PHACTR3: variants seen among roughly 807,000 people sequenced by gnomAD.
PHACTR3 encodes the protein phosphatase and actin regulator 3.
In PHACTR3, 16 loss-of-function variants were observed where a neutral mutation model predicts 66.8. That is an observed-to-expected ratio of 0.24 (90% CI 0.16 to 0.36). The LOEUF is 0.36. Among genes scored for constraint, PHACTR3 ranks in the 10% least tolerant of loss-of-function variants. PHACTR3 has a pLI of 1.00. For missense variants in PHACTR3, 647 were observed against 719.9 expected (o/e 0.90, Z 1.16); for synonymous variants, 323 against 292.1 (o/e 1.11, Z -1.08).
chr20:59,719,891 G>T (rs929814897), intron 1 of PHACTR3, among the ~76,000 whole-genome samples: 1 of 152,222 alleles, frequency 6.6e-6, no homozygotes, highest in African/African-American at 2.4e-5. Flanking sequence ...AATGGAGCCT[G>T]TCCGAGGGCT....
chr20:59,583,900 G>C (rs1325656383), intron 1 of PHACTR3, among the ~76,000 whole-genome samples: 2 of 152,212 alleles, frequency 1.3e-5, no homozygotes, highest in Admixed American at 6.5e-5. Context: ...AGCTACTTAG[G>C]TGCACCAGTC....
intron 8 of PHACTR3, among the ~76,000 whole-genome samples, chr20:59,821,775 G>T (rs765899907): frequency 2.0e-5 from 3 of 152,146 alleles, no homozygotes; most frequent in Admixed American, 6.5e-5. Context: ...GGTTTGAGGA[G>T]TGCATGTGGA....
At chr20:59,586,833 G>A (rs2146306355) in intron 1 of PHACTR3, among the ~76,000 whole-genome samples, 1 of 152,268 alleles carries the variant, frequency 6.6e-6, no homozygotes, top group East Asian at 1.9e-4. Flanking sequence ...GACAGGTGAG[G>A]AAAACCGAGG....
chr20:59,730,884 C>T (rs1487915448), intron 1 of PHACTR3, among the ~76,000 whole-genome samples: 1 of 152,122 alleles, frequency 6.6e-6, no homozygotes, highest in Non-Finnish European at 1.5e-5. Context: ...CGCAAAGCCT[C>T]AGAGTTTTAT....
chr20:59,800,590 T>A (rs2041382752), intron 7 of PHACTR3, among the ~76,000 whole-genome samples: 2 of 152,250 alleles, frequency 1.3e-5, no homozygotes, highest in African/African-American at 4.8e-5. Flanking sequence ...ACACTTTTAA[T>A]ATTTTCTCAT....
chr20:59,710,250 A>T (rs1400901260), intron 1 of PHACTR3, among the ~76,000 whole-genome samples: 1 of 152,188 alleles, frequency 6.6e-6, no homozygotes, highest in Admixed American at 6.5e-5. Flanking sequence ...GAAAAGATAG[A>T]TGTGGCCTCA....
In PHACTR3 at chr20:59,595,404, G is replaced by A. The variant is rs373825366; in HGVS notation, c.109+17787G>A. On this transcript the variant is annotated intron_variant, in intron 1 of 12. Coordinates refer to the PHACTR3 transcript ENST00000359926. ...TTGAACCTGGGAGGCAGAGGTTGCA[G>A]TGAGCCGAGATTGCGCCACTGCACT... is the stretch of plus-strand genomic sequence containing the variant. 9.2e-5 allele frequency among the ~76,000 whole-genome samples: 14 copies of A among 152,308 alleles called. No homozygotes were observed. In the East Asian group the frequency reaches 2.7e-3, roughly 29 times the overall value.
At chr20:59,613,501 C>T (rs2033927832) in intron 1 of PHACTR3, among the ~76,000 whole-genome samples, 1 of 152,190 alleles carries the variant, frequency 6.6e-6, no homozygotes, top group Admixed American at 6.5e-5. Flanking sequence ...AAGGCTACTC[C>T]CAGCTGCCAG....
At chr20:59,743,078 TGAG>T (rs2039227940) in intron 1 of PHACTR3, 26 bp from the exon 2 acceptor site, 1 of 1,602,978 alleles carries the variant, frequency 6.2e-7, no homozygotes, top group South Asian at 1.1e-5. Flanking sequence ...GGTGGCCACT[TGAG>T]GACCCCCTTG....
intron 1 of PHACTR3, among the ~76,000 whole-genome samples, chr20:59,648,757 G>A (rs1049393661): frequency 6.6e-6 from 1 of 152,204 alleles, no homozygotes; most frequent in African/African-American, 2.4e-5. Context: ...CTTGGATTAG[G>A]AAAATGATGG....
chr20:59,680,714 G>A (rs1486267373), intron 1 of PHACTR3, among the ~76,000 whole-genome samples: 2 of 151,990 alleles, frequency 1.3e-5, no homozygotes, highest in Non-Finnish European at 2.9e-5. Context: ...TTTTATGTAT[G>A]GCCCAAGACA....
At chr20:59,646,547 C>T (rs1030410092) in intron 1 of PHACTR3, among the ~76,000 whole-genome samples, 7 of 152,254 alleles carry the variant, frequency 4.6e-5, no homozygotes, top group African/African-American at 7.2e-5. Flanking sequence ...GTTTGTCAGT[C>T]CTTCCTGCTG....
intron 8 of PHACTR3, 150 bp from the exon 9 acceptor site, chr20:59,836,355 A>T: frequency 1.6e-6 from 1 of 619,778 alleles, no homozygotes; most frequent in Non-Finnish European, 2.7e-6. Context: ...TGCCAGCAAG[A>T]GGCAACAACC....
At chr20:59,653,886 C>T (rs576972349) in intron 1 of PHACTR3, among the ~76,000 whole-genome samples, 39 of 152,230 alleles carry the variant, frequency 2.6e-4, no homozygotes, top group East Asian at 2.5e-3. Flanking sequence ...TAGCAACGAA[C>T]GCTTTCTACA....
intron 9 of PHACTR3, among the ~76,000 whole-genome samples, chr20:59,840,033 T>G (rs904469784): frequency 2.6e-5 from 4 of 152,196 alleles, no homozygotes; most frequent in African/African-American, 9.7e-5. Flanking sequence ...TAGATGTAAA[T>G]ATAAAGATAT....
At chr20:59,584,534 A>G (rs4812112) in intron 1 of PHACTR3, among the ~76,000 whole-genome samples, 5,490 of 152,158 alleles carry the variant, frequency 0.036, 160 homozygotes, top group Middle Eastern at 0.082. Context: ...TGCATGCACA[A>G]GTGTGTGCAT....
chr20:59,838,986 C>T (rs2059012603), intron 9 of PHACTR3, among the ~76,000 whole-genome samples: 1 of 151,524 alleles, frequency 6.6e-6, no homozygotes, highest in Non-Finnish European at 1.5e-5. Flanking sequence ...AAGATCAGTT[C>T]TCCAAAGACC....
intron 1 of PHACTR3, among the ~76,000 whole-genome samples, chr20:59,684,926 C>T (rs1393137982): frequency 6.6e-6 from 1 of 152,164 alleles, no homozygotes; most frequent in Non-Finnish European, 1.5e-5. Flanking sequence ...TCCTGTGGCT[C>T]AGCACGTCCC....
chr20:59,817,681 A>C (rs933721387), intron 8 of PHACTR3, among the ~76,000 whole-genome samples: 1 of 152,250 alleles, frequency 6.6e-6, no homozygotes, highest in Admixed American at 6.5e-5. Flanking sequence ...GCTGTCACTC[A>C]GATCCTGTGG....
Sources: allele counts gnomAD v4.1 joint callset (sites outside exome capture counted in the v4.1 genomes callset), GRCh38; gene constraint gnomAD v4.1.1; transcripts MANE v1.5; gene names NCBI Gene and HGNC (gene_info 2026-07-23, HGNC 2026-07-21).